The following PDE8B variants were observed in gnomAD, a reference collection of about 807,000 sequenced individuals.
The protein encoded by PDE8B is phosphodiesterase 8B, also known as high affinity cAMP-specific and IBMX-insensitive 3',5'-cyclic phosphodiesterase 8B.
In PDE8B, 26 loss-of-function variants were observed where a neutral mutation model predicts 101.3. The ratio of observed to expected loss-of-function variants is 0.26; its 90% confidence interval spans 0.19 to 0.36. The LOEUF is 0.36. Ranked by LOEUF, PDE8B falls within the 10% of genes least tolerant of loss-of-function variation. The probability of loss-of-function intolerance (pLI) is 1.00; values close to 1 mark genes in which losing one functional copy is unlikely to be tolerated. For missense variants in PDE8B, 810 were observed against 1,163.1 expected, an observed-to-expected ratio of 0.70 and a Z score of 4.42; for synonymous variants, 424 against 429.3, an observed-to-expected ratio of 0.99 and a Z score of 0.15.
chr5:77,191,903 T>C, the PDE8B span, among the ~76,000 whole-genome samples: 1 of 152,176 alleles, frequency 6.6e-6, no homozygotes, highest in Non-Finnish European at 1.5e-5. Context: ...TGGTCCTGTC[T>C]GGGGGTGATG....
intron 11 of PDE8B, among the ~76,000 whole-genome samples, chr5:77,402,886 A>G (rs1792591405): frequency 1.3e-5 from 2 of 152,216 alleles, no homozygotes; most frequent in Admixed American, 1.3e-4. Flanking sequence ...CTTAACTACT[A>G]GGCTTCTTGC....
chr5:77,349,322 C>G (rs1041482241), intron 7 of PDE8B, 97 bp from the exon 8 acceptor site: 2 of 1,515,984 alleles, frequency 1.3e-6, no homozygotes, highest in East Asian at 4.5e-5. Flanking sequence ...CTTGATATTC[C>G]TCTGGGTCCC....
intron 6 of PDE8B, among the ~76,000 whole-genome samples, chr5:77,341,751 T>A (rs1034719667): frequency 2.0e-5 from 3 of 152,218 alleles, no homozygotes; most frequent in Admixed American, 1.3e-4. Flanking sequence ...TGCTGTCTCT[T>A]ATGAGGCAGT....
In PDE8B at chr5:77,325,420, C is replaced by A. The variant is rs547731053; in HGVS notation, c.400-119C>A. On this transcript the variant is annotated intron_variant, in intron 2 of 21. Coordinates refer to ENST00000264917, the MANE Select transcript of PDE8B (RefSeq NM_003719.5). Reference sequence around the variant, plus strand: ...CCTGGGCTTAAGTAGTCCACTGCCTCAGCCTCCCAAAGAGCTGGGATTACA... The same window carrying A: ...CCTGGGCTTAAGTAGTCCACTGCCTAAGCCTCCCAAAGAGCTGGGATTACA... 3.9e-5 allele frequency: 35 copies of A among 908,258 alleles called. 1 individual carries two copies. The East Asian group carries it at 7.7e-4, about 20-fold the overall frequency. 56.3% of individuals were successfully genotyped at this position (908,258 alleles called of 1,614,324 possible). A position where few individuals can be genotyped will look rare whatever the true frequency, so the allele number is the denominator to read the frequency against.
intron 1 of PDE8B, among the ~76,000 whole-genome samples, chr5:77,268,236 G>A (rs1762123479): frequency 6.6e-6 from 1 of 151,558 alleles, no homozygotes; most frequent in South Asian, 2.1e-4. Context: ...AATTTTTGTG[G>A]GTATATGGTA....
chr5:77,115,599 C>T, the PDE8B span, among the ~76,000 whole-genome samples: 36 of 152,168 alleles, frequency 2.4e-4, no homozygotes, highest in African/African-American at 7.2e-4. Flanking sequence ...ACTTTCTGAA[C>T]GTTTGCTTAA....
At chr5:77,343,873 C>CTTTTTTTTTTTTTTTTTTTTTTTTTTTTT (rs34017471) in intron 6 of PDE8B, among the ~76,000 whole-genome samples, 2 of 126,508 alleles carry the variant, frequency 1.6e-5, no homozygotes, top group East Asian at 2.2e-4. Flanking sequence ...ATTTTTAAAT[C>CTTTTTTTTTTTTTTTTTTTTTTTTTTTTT]TTTTTTTTTT....
At chr5:77,106,512 G>C in the PDE8B span, among the ~76,000 whole-genome samples, 2,125 of 152,206 alleles carry the variant, frequency 0.014, 62 homozygotes, top group African/African-American at 0.047. Flanking sequence ...GCATATCTAT[G>C]TTTTTGCCAT....
At chr5:77,208,754 C>T (rs1360754981), upstream of PDE8B, among the ~76,000 whole-genome samples, 1 of 152,150 alleles carries the variant, frequency 6.6e-6, no homozygotes, top group Non-Finnish European at 1.5e-5. Context: ...CTGACATCTC[C>T]TAGGGGCAGT....
intron 1 of PDE8B, among the ~76,000 whole-genome samples, chr5:77,304,485 T>C (rs914733108): frequency 3.3e-5 from 5 of 151,698 alleles, no homozygotes; most frequent in Admixed American, 1.3e-4. Flanking sequence ...CTTTTTCTCT[T>C]TTATTACAGT....
At chr5:77,146,479 A>C in the PDE8B span, 1 of 155,892 alleles carries the variant, frequency 6.4e-6, no homozygotes, top group Non-Finnish European at 1.4e-5. Context: ...TTCTGAGTAC[A>C]TTGAGCTGCA....
chr5:77,244,421 A>G (rs1479825453), intron 1 of PDE8B, among the ~76,000 whole-genome samples: 1 of 152,168 alleles, frequency 6.6e-6, no homozygotes, highest in Non-Finnish European at 1.5e-5. Flanking sequence ...GGAAGGAAAG[A>G]GAAATGATCT....
At chr5:77,390,446 C>G (rs1789673131) in intron 10 of PDE8B, among the ~76,000 whole-genome samples, 1 of 152,168 alleles carries the variant, frequency 6.6e-6, no homozygotes, top group Non-Finnish European at 1.5e-5. Context: ...ACAAACTAAG[C>G]ACTAAAGCCT....
chr5:77,422,581 A>G (rs1560024), intron 20 of PDE8B, among the ~76,000 whole-genome samples: 13,484 of 152,262 alleles, frequency 0.089, 900 homozygotes, highest in East Asian at 0.37. Flanking sequence ...TAGAATTTTT[A>G]TAAAAAGGGA....
At chr5:77,421,647 T>C (rs10054725) in intron 19 of PDE8B, among the ~76,000 whole-genome samples, 174 bp from the exon 20 acceptor site, 8,808 of 152,196 alleles carry the variant, frequency 0.058, 363 homozygotes, top group African/African-American at 0.12. Context: ...ATATTCTTTT[T>C]TTAAAGAATG....
rs552915542 is a variant in PDE8B at position 77,337,282 on chromosome 5, A to C, written c.764A>C (p.Glu255Ala). 23 of 1,596,640 alleles carry C rather than the reference A, an allele frequency of 1.4e-5. No individual in the cohort carries two copies. The highest frequency in any genetic ancestry group is 1.0e-4 in the Admixed American group (6 of 59,594). ...IACYNELIQI[E>A]HGEVRSQFKL... The stretch of plus-strand genomic sequence containing the variant: ...TGCTATAATGAACTGATTCAAATAG[A>C]ACATGGGGAAGTTCGCTCCCAGTTC... The change falls in exon 6 of 22, where the codon GAA (glutamate) becomes GCA (alanine). Residue 255 changes from glutamate to alanine, a missense_variant. Transcript: ENST00000264917.
intron 6 of PDE8B, among the ~76,000 whole-genome samples, chr5:77,337,862 G>A (rs1476775849): frequency 1.3e-5 from 2 of 152,200 alleles, no homozygotes; most frequent in Non-Finnish European, 2.9e-5. Context: ...CTCAATTCCA[G>A]GGATGGGATT....
intron 1 of PDE8B, among the ~76,000 whole-genome samples, chr5:77,267,827 G>A (rs574719403): frequency 6.6e-6 from 1 of 152,348 alleles, no homozygotes; most frequent in African/African-American, 2.4e-5. Flanking sequence ...TACAAGAGCA[G>A]TTAGAATAAA....
chr5:77,346,532 TGG>T (rs1780185927), intron 7 of PDE8B, among the ~76,000 whole-genome samples: 1 of 152,202 alleles, frequency 6.6e-6, no homozygotes, highest in Admixed American at 6.5e-5. Context: ...AGTTATCAAT[TGG>T]TGGTTAGAAA....
Sources: gnomAD v4.1 joint callset for allele counts (sites outside exome capture counted in the v4.1 genomes callset) on GRCh38, gnomAD v4.1.1 for gene constraint, MANE v1.5 for transcripts, NCBI Gene and HGNC (gene_info 2026-07-23, HGNC 2026-07-21) for gene names.